The following UTP20 variants were observed in gnomAD, a reference collection of about 807,000 sequenced individuals.
UTP20 encodes the protein UTP20 small subunit processome component, also known as small subunit processome component 20 homolog.
UTP20 carries 164 observed loss-of-function variants against 329.5 expected under a neutral mutation model. The ratio of observed to expected loss-of-function variants is 0.50; its 90% CI spans 0.44 to 0.57. The LOEUF (loss-of-function observed/expected upper bound fraction) is 0.57, where lower values mean the gene tolerates loss of function less well. Ranked by LOEUF, UTP20 falls within the 20% of genes least tolerant of loss-of-function variation. UTP20 has a pLI of 0.00. For missense variants in UTP20, 3,055 were observed against 3,284.2 expected, an observed-to-expected ratio of 0.93 and a Z score of 1.71; for synonymous variants, 1,151 against 1,159.3, an observed-to-expected ratio of 0.99 and a Z score of 0.14.
At chr12:101,364,146 C>T (rs1345549017) in intron 45 of UTP20, among the ~76,000 whole-genome samples, 1 of 152,152 alleles carries the variant, frequency 6.6e-6, no homozygotes, top group Admixed American at 6.5e-5. Context: ...GTGGCTCACA[C>T]CTGTAATTCC....
At chr12:101,356,746 T>G in intron 42 of UTP20, 53 bp downstream of exon 42, 1 of 1,569,286 alleles carries the variant, frequency 6.4e-7, no homozygotes, top group South Asian at 1.2e-5. Flanking sequence ...TTGGTTCTTT[T>G]CTTCCTTACT....
chr12:101,371,990 T>C (rs1295787998), intron 51 of UTP20, among the ~76,000 whole-genome samples: 1 of 152,142 alleles, frequency 6.6e-6, no homozygotes, highest in Non-Finnish European at 1.5e-5. Context: ...GAACTCAGGG[T>C]TGCAGGTGGG....
rs150039308 is a variant in UTP20, at chr12:101,309,767, C to T, written c.2159C>T (p.Pro720Leu). The change falls in exon 19 of 62, where the codon CCG becomes CTG. Residue 720 changes from proline (P) to leucine (L), a missense_variant. Pro to Leu is a moderately conservative substitution (Grantham distance 98). Transcript: ENST00000261637. ...AVPDGPLQEVPLRYLLGMLYI... is the reference protein window; with the variant it reads ...AVPDGPLQEVLLRYLLGMLYI... Reference sequence around the variant, plus strand: ...ACTAGTCTTTTGTAATTGCAGGTGCCGCTTCGTTATTTGTTAGGCATGCTA... The same window carrying T: ...ACTAGTCTTTTGTAATTGCAGGTGCTGCTTCGTTATTTGTTAGGCATGCTA... The T allele has an allele frequency of 2.1e-4, 339 of 1,613,476 alleles. 1 individual carries two copies. The highest frequency in any genetic ancestry group is 4.0e-4 in the Admixed American group (24 of 60,008).
In UTP20 at chr12:101,366,669, C is replaced by T. The variant is rs1361052209; in HGVS notation, c.6237C>T (p.Asn2079=). The T allele has an allele frequency of 6.2e-7, 1 of 1,614,054 alleles. No homozygotes were observed. Among genetic ancestry groups the T allele is most frequent in the Non-Finnish European group, 8.5e-7 (1 of 1,180,024 alleles). The change falls in exon 47 of 62, where the codon AAC becomes AAT. Residue 2079 remains asparagine (N), a synonymous_variant. Coordinates refer to ENST00000261637, the MANE Select transcript of UTP20 (RefSeq NM_014503.3). ...GQKAVVSRKT[N]MHIFIESGLR... ...AAGCTGTTGTGAGCAGGAAAACCAA[C>T]ATGCACATATTTATTGAGTCCGGGC...
Position 101,342,592 on chromosome 12 carries a change from C to T in UTP20, c.4245+3C>T, listed in dbSNP as rs373136138. 21 of 1,599,978 alleles carry T rather than the reference C, an allele frequency of 1.3e-5. No individual in the cohort carries two copies. The highest frequency in any genetic ancestry group is 1.2e-4 in the African/African-American group (9 of 73,902). On this transcript the variant is annotated splice_donor_region_variant and intron_variant, in intron 33 of 61. Transcript: ENST00000261637. ...AATTGCTTTGTACGGTTTTTGAGGT[C>T]TGTACTATTCATTTTTACTCCAAAT... is the stretch of plus-strand genomic sequence containing the variant.
chr12:101,292,137 TTAA>T, intron 10 of UTP20, 33 bp downstream of exon 10: 1 of 1,606,794 alleles, frequency 6.2e-7, no homozygotes, highest in Non-Finnish European at 8.5e-7. Context: ...AATTGAGCAG[TTAA>T]TAATATGTTT....
Position 101,334,467 on chromosome 12 carries a change from C to G in UTP20, c.3604C>G (p.Leu1202Val), listed in dbSNP as rs1344787741. 6.2e-6 allele frequency: 10 copies of G among 1,612,042 alleles called. No individual in the cohort carries two copies. The highest frequency in any genetic ancestry group is 8.5e-6 in the Non-Finnish European group (10 of 1,179,894). ...TGAGAGTCAATATTCTCCTACTCCTCTGCTGAAACTGATCAGTATCTGGAG... is the reference window on the plus strand; with the variant it reads ...TGAGAGTCAATATTCTCCTACTCCTGTGCTGAAACTGATCAGTATCTGGAG... Reference protein sequence around the residue: ...GSESQYSPTPLLKLISIWSRN... With the variant: ...GSESQYSPTPVLKLISIWSRN... The change falls in exon 29 of 62, where the codon CTG (leucine) becomes GTG (valine). Residue 1202 changes from leucine (L) to valine (V), a missense_variant. Physicochemically the swap from Leu to Val is conservative, Grantham distance 32 (BLOSUM62 1). Transcript: ENST00000261637.
intron 56 of UTP20, among the ~76,000 whole-genome samples, chr12:101,378,000 T>C (rs751673755): frequency 3.9e-5 from 6 of 152,136 alleles, no homozygotes; most frequent in Admixed American, 1.3e-4. Context: ...GGCTTGCAGA[T>C]TGCTTAAGCT....
At chr12:101,385,272 G>T (rs753830744) in intron 60 of UTP20, among the ~76,000 whole-genome samples, 13 of 152,072 alleles carry the variant, frequency 8.5e-5, no homozygotes, top group Non-Finnish European at 1.8e-4. Flanking sequence ...TCAGGGCCAG[G>T]TTTCCGCTGG....
rs557726322 is a variant in UTP20 at position 101,300,968 on chromosome 12, A to C, written c.1675+907A>C. 2.6e-5 allele frequency among the ~76,000 whole-genome samples: 4 copies of C among 152,296 alleles called. No homozygotes were observed. The South Asian group carries it at 8.3e-4, about 32-fold the overall frequency. On this transcript the variant is annotated intron_variant, in intron 14 of 61. Coordinates refer to ENST00000261637, the MANE Select transcript of UTP20 (RefSeq NM_014503.3). ...AGGGACTGGTAAAATCTTTTTGTAA[A>C]GGACCAGACAGTAAATGTTTTAGGT...
Position 101,367,917 on chromosome 12 carries a change from G to C in UTP20, c.6325G>C (p.Glu2109Gln). Residue 2109 changes from glutamate (E) to glutamine (Q), a missense_variant, in exon 48 of 62, where the codon GAA becomes CAA. Glu to Gln is a conservative substitution (Grantham distance 29). Transcript: ENST00000261637. ...KIKSSGECVL[E>Q]MLDPFVSLLI... ...CAAGTCTTCAGGTGAATGTGTCCTG[G>C]AAATGCTGGATCCTTTTGTGTCTCT... The C allele has an allele frequency of 6.2e-7, 1 of 1,613,862 alleles. No homozygotes were observed. Among genetic ancestry groups the C allele is most frequent in the East Asian group, 2.2e-5 (1 of 44,860 alleles).
At chr12:101,382,581 G>A (rs894901319) in intron 58 of UTP20, among the ~76,000 whole-genome samples, 2 of 152,024 alleles carry the variant, frequency 1.3e-5, no homozygotes, top group Non-Finnish European at 2.9e-5. Context: ...GGCCAGGCAC[G>A]GTGGCTCACA....
intron 43 of UTP20, among the ~76,000 whole-genome samples, chr12:101,357,839 C>G (rs1323465418): frequency 6.6e-6 from 1 of 152,214 alleles, no homozygotes; most frequent in Non-Finnish European, 1.5e-5. Context: ...CCAAGCATGG[C>G]ACCTGGACAG....
chr12:101,286,016 G>C lies in UTP20; in HGVS notation c.326+135G>C. 3 of 1,265,882 alleles carry C rather than the reference G, an allele frequency of 2.4e-6. No homozygotes were observed. The East Asian group carries it at 7.1e-5, about 30-fold the overall frequency. The allele number at this position is 1,265,882 out of a possible 1,614,324, so 78.4% of individuals were successfully genotyped here. A position where few individuals can be genotyped will look rare whatever the true frequency, so the allele number is the denominator to read the frequency against. The stretch of plus-strand genomic sequence containing the variant: ...AAGGAGGATTTTCCTTTTCTGTTAG[G>C]AATAAGTGCATTACCATAAAGTGGA... On this transcript the variant is annotated intron_variant, in intron 4 of 61. Transcript: ENST00000261637.
At position 101,375,672 on chromosome 12, in the gene UTP20, T is replaced by G. The variant is rs1387654240; in HGVS notation, c.7312T>G (p.Phe2438Val). 1 of 1,611,854 alleles carries G rather than the reference T, an allele frequency of 6.2e-7. No homozygotes were observed. The highest frequency in any genetic ancestry group is 1.7e-5 in the Admixed American group (1 of 59,686). ...AGCTGCAGATCGCCTTCTGTTTAGTTTTCTTACACTGATAACTAAACTTAT... is the reference window on the plus strand; with the variant it reads ...AGCTGCAGATCGCCTTCTGTTTAGTGTTCTTACACTGATAACTAAACTTAT... ...EKAADRLLFS[F>V]LTLITKLIKE... Residue 2438 changes from phenylalanine (F) to valine (V), a missense_variant, in exon 56 of 62, where the codon TTT becomes GTT. Phe to Val is a conservative substitution (Grantham distance 50, BLOSUM62 -1). Around this residue, in one of 3 missense-constraint regions of UTP20, gnomAD observed 273 missense variants for 363.1 expected, o/e 0.75. Transcript: ENST00000261637.
Position 101,280,213 on chromosome 12 carries a change from C to T in UTP20, c.-70C>T. 5.2e-6 allele frequency: 8 copies of T among 1,539,356 alleles called. No individual in the cohort carries two copies. The highest frequency in any genetic ancestry group is 1.2e-5 in the South Asian group (1 of 83,508). On this transcript the variant is annotated 5_prime_UTR_variant, in exon 1 of 62. Coordinates refer to ENST00000261637, the MANE Select transcript of UTP20 (RefSeq NM_014503.3). The stretch of plus-strand genomic sequence containing the variant: ...AGAGTATAGCCTGTGAGCCGCTTTC[C>T]CCTCCTTACTGTCGGTTGCATCCCT...
chr12:101,339,705 A>C (rs777374602), intron 31 of UTP20, among the ~76,000 whole-genome samples: 1 of 152,178 alleles, frequency 6.6e-6, no homozygotes, highest in Non-Finnish European at 1.5e-5. Flanking sequence ...TCTGTTTGGC[A>C]GTAGACCTAG....
Position 101,356,991 on chromosome 12 carries a change from G to A in UTP20, c.5600G>A (p.Ser1867Asn). Reference sequence around the variant, plus strand: ...CAAGAAATCAGAGACATTGCACGCAGCACTCTTGCGAAAATAATAGAGGAT... The same window carrying A: ...CAAGAAATCAGAGACATTGCACGCAACACTCTTGCGAAAATAATAGAGGAT... ...RAQEIRDIAR[S>N]TLAKIIEDLG... The change falls in exon 43 of 62, where the codon AGC (serine) becomes AAC (asparagine). Residue 1867 changes from serine to asparagine, a missense_variant. Physicochemically the swap from Ser to Asn is conservative, Grantham distance 46. This residue lies in a region of UTP20 where 2,445 missense variants were observed against 2,575.5 expected (regional missense o/e 0.95). Coordinates refer to ENST00000261637, the MANE Select transcript of UTP20 (RefSeq NM_014503.3). 6.2e-7 allele frequency: 1 copy of A among 1,614,048 alleles called. No homozygotes were observed. The highest frequency in any genetic ancestry group is 8.5e-7 in the Non-Finnish European group (1 of 1,179,956).
intron 41 of UTP20, among the ~76,000 whole-genome samples, chr12:101,356,229 C>T (rs912559700): frequency 9.2e-5 from 14 of 152,284 alleles, no homozygotes; most frequent in Middle Eastern, 3.4e-3. Context: ...CAGGTTCAAG[C>T]GATTCTCCTG....
Sources: gnomAD v4.1 joint callset for allele counts (sites outside exome capture counted in the v4.1 genomes callset) on GRCh38, gnomAD v4.1.1 for gene constraint, gnomAD v4.1.1 regional missense constraint, MANE v1.5 for transcripts, NCBI Gene and HGNC (gene_info 2026-07-23, HGNC 2026-07-21) for gene names.